The following SAXO1 variants were observed in gnomAD, a reference collection of about 807,000 sequenced individuals.
SAXO1 encodes 4930500O09Rik.
SAXO1 carries 21 observed loss-of-function variants against 17.5 expected under a neutral mutation model. That is an observed-to-expected ratio of 1.20 (90% CI 0.85 to 1.72). SAXO1 has a LOEUF of 1.72. Ranked by LOEUF, SAXO1 falls within the 40% of genes most tolerant of loss-of-function variation. The probability of loss-of-function intolerance (pLI) is 0.00; values close to 1 mark genes in which losing one functional copy is unlikely to be tolerated. For synonymous variants in SAXO1, 274 were observed against 216.5 expected, an observed-to-expected ratio of 1.27 and a Z score of -2.33; for missense variants, 843 against 596.0, an observed-to-expected ratio of 1.41 and a Z score of -4.32.
At chr9:18,947,444 A>T (rs531705569) in intron 2 of SAXO1, among the ~76,000 whole-genome samples, 2 of 152,260 alleles carry the variant, frequency 1.3e-5, no homozygotes, top group African/African-American at 4.8e-5. Context: ...ACACCCATCA[A>T]GTCTGAACTC....
At chr9:19,003,277 A>G (rs1367830674) in intron 1 of SAXO1, among the ~76,000 whole-genome samples, 1 of 152,254 alleles carries the variant, frequency 6.6e-6, no homozygotes, top group African/African-American at 2.4e-5. Context: ...TTCCATGCGC[A>G]TGGATAGGAA....
intron 2 of SAXO1, among the ~76,000 whole-genome samples, chr9:18,948,907 C>T (rs189486932): frequency 2.6e-5 from 4 of 152,256 alleles, no homozygotes; most frequent in South Asian, 2.1e-4. Flanking sequence ...ACCTGGAGAC[C>T]GAACAAGATA....
At chr9:19,015,500 C>T (rs919238273) in intron 1 of SAXO1, among the ~76,000 whole-genome samples, 13 of 152,246 alleles carry the variant, frequency 8.5e-5, no homozygotes, top group East Asian at 3.9e-4. Flanking sequence ...TGTACCACCA[C>T]GCCCGGCTAA....
chr9:18,994,125 T>G (rs1833918655), intron 1 of SAXO1, among the ~76,000 whole-genome samples: 1 of 152,220 alleles, frequency 6.6e-6, no homozygotes, highest in African/African-American at 2.4e-5. Flanking sequence ...AACAGGTTAC[T>G]GTAGCCAAAA....
intron 1 of SAXO1, among the ~76,000 whole-genome samples, chr9:18,996,406 T>A (rs2131854944): frequency 6.6e-6 from 1 of 152,362 alleles, no homozygotes; most frequent in South Asian, 2.1e-4. Context: ...AAACCTAGGC[T>A]ATATGGTATA....
At chr9:18,936,400 C>T (rs1301700566) in intron 3 of SAXO1, among the ~76,000 whole-genome samples, 1 of 152,094 alleles carries the variant, frequency 6.6e-6, no homozygotes, top group African/African-American at 2.4e-5. Flanking sequence ...GAAACGGAGG[C>T]ATCTACCTGT....
At chr9:18,961,770 C>T (rs972871816) in intron 1 of SAXO1, among the ~76,000 whole-genome samples, 2 of 152,138 alleles carry the variant, frequency 1.3e-5, no homozygotes, top group Non-Finnish European at 2.9e-5. Flanking sequence ...CAAGTCTTTG[C>T]TATTGTGAAT....
At chr9:18,978,688 G>A (rs968091504) in intron 1 of SAXO1, among the ~76,000 whole-genome samples, 4 of 152,156 alleles carry the variant, frequency 2.6e-5, no homozygotes, top group Non-Finnish European at 4.4e-5. Flanking sequence ...TGTGCACCAG[G>A]CACTGTTCTA....
intron 1 of SAXO1, among the ~76,000 whole-genome samples, chr9:19,032,378 A>G (rs1835807344): frequency 6.6e-6 from 1 of 152,224 alleles, no homozygotes; most frequent in Admixed American, 6.5e-5. Context: ...CGACTGTGAA[A>G]GTAATGTTTT....
chr9:18,987,043 T>C (rs75269423), intron 1 of SAXO1, among the ~76,000 whole-genome samples: 2 of 152,168 alleles, frequency 1.3e-5, no homozygotes, highest in Non-Finnish European at 2.9e-5. Flanking sequence ...ATTGCTGCAT[T>C]GAATCAACTT....
intron 1 of SAXO1, among the ~76,000 whole-genome samples, chr9:18,967,320 T>C (rs1563950231): frequency 6.6e-6 from 1 of 152,202 alleles, no homozygotes; most frequent in African/African-American, 2.4e-5. Flanking sequence ...GGCAGGAACA[T>C]TTAAGTCTGC....
chr9:18,931,515 T>G (rs1269634535), intron 3 of SAXO1, among the ~76,000 whole-genome samples: 1 of 152,228 alleles, frequency 6.6e-6, no homozygotes, highest in African/African-American at 2.4e-5. Flanking sequence ...TCATTTCTCT[T>G]GGGTAGATAA....
chr9:19,001,446 T>C (rs1030080215), intron 1 of SAXO1, among the ~76,000 whole-genome samples: 6 of 152,058 alleles, frequency 3.9e-5, no homozygotes, highest in Admixed American at 1.3e-4. Context: ...AGCAGGTGGA[T>C]CATGAGGTCC....
intron 1 of SAXO1, among the ~76,000 whole-genome samples, chr9:19,012,149 A>G (rs1485055423): frequency 6.6e-6 from 1 of 152,208 alleles, no homozygotes; most frequent in Non-Finnish European, 1.5e-5. Flanking sequence ...CGGCAAGGAT[A>G]GATTTTTTTT....
chr9:19,008,304 G>C (rs1342661209), intron 1 of SAXO1, among the ~76,000 whole-genome samples: 1 of 152,068 alleles, frequency 6.6e-6, no homozygotes, highest in South Asian at 2.1e-4. Flanking sequence ...GAAAAAGATT[G>C]CTGATTTCTG....
intron 1 of SAXO1, among the ~76,000 whole-genome samples, chr9:19,041,058 CA>C (rs1836066986): frequency 6.8e-6 from 1 of 146,624 alleles, no homozygotes; most frequent in Middle Eastern, 3.3e-3. Context: ...AAGGCTCCAC[CA>C]AAAAACTATT....
intron 1 of SAXO1, among the ~76,000 whole-genome samples, chr9:19,018,582 G>A (rs1357786535): frequency 6.6e-6 from 1 of 152,212 alleles, no homozygotes; most frequent in Non-Finnish European, 1.5e-5. Flanking sequence ...CATGGCTAGA[G>A]TCCCAGGCTA....
At chr9:19,032,825 GA>G in intron 1 of SAXO1, 45 bp downstream of exon 1, 1 of 1,601,724 alleles carries the variant, frequency 6.2e-7, no homozygotes. Flanking sequence ...TCGGGAGTCT[GA>G]AAACCCAGGC....
intron 1 of SAXO1, among the ~76,000 whole-genome samples, chr9:18,952,025 T>A (rs1265384790): frequency 3.3e-5 from 5 of 152,250 alleles, no homozygotes; most frequent in Admixed American, 6.5e-5. Context: ...AAATTTATAG[T>A]GAGCTTTTCC....
Sources: allele counts gnomAD v4.1 joint callset (sites outside exome capture counted in the v4.1 genomes callset), GRCh38; gene constraint gnomAD v4.1.1; transcripts MANE v1.5; gene names NCBI Gene and HGNC (gene_info 2026-07-23, HGNC 2026-07-21).